Variants in KCND2 observed in about 807,000 individuals in gnomAD.
The protein encoded by KCND2 is potassium voltage-gated channel subfamily D member 2, also known as A-type voltage-gated potassium channel KCND2.
In KCND2, 16 loss-of-function variants were observed where a neutral mutation model predicts 54.4. That is an observed-to-expected ratio of 0.29 (90% CI 0.20 to 0.45). The LOEUF is 0.45. Ranked by LOEUF, KCND2 falls within the 20% of genes least tolerant of loss-of-function variation. KCND2 has a pLI of 1.00. For synonymous variants in KCND2, 317 were observed against 310.7 expected (o/e 1.02, Z -0.21); for missense variants, 486 against 824.2 (o/e 0.59, Z 5.02).
At chr7:120,635,799 T>A (rs1793297643) in intron 1 of KCND2, among the ~76,000 whole-genome samples, 1 of 152,228 alleles carries the variant, frequency 6.6e-6, no homozygotes, top group Admixed American at 6.5e-5. Flanking sequence ...GATAAAATGT[T>A]ATCTTTGACT....
intron 1 of KCND2, among the ~76,000 whole-genome samples, chr7:120,669,176 C>T (rs955533993): frequency 1.3e-4 from 20 of 152,016 alleles, no homozygotes; most frequent in African/African-American, 4.3e-4. Context: ...TGGTGATAGT[C>T]TAGCGTCATT....
At chr7:120,636,059 T>C (rs550606113) in intron 1 of KCND2, among the ~76,000 whole-genome samples, 1 of 152,292 alleles carries the variant, frequency 6.6e-6, no homozygotes, top group East Asian at 1.9e-4. Flanking sequence ...TCTGTCCAAG[T>C]AAAGTGGTTC....
chr7:120,441,015 G>C lies in KCND2; in HGVS notation c.1115+165268G>C, dbSNP rs17142749. 6.1e-4 allele frequency among the ~76,000 whole-genome samples: 92 copies of C among 151,792 alleles called. 1 individual carries two copies. The East Asian group carries it at 0.012, about 20-fold the overall frequency. On this transcript the variant is annotated intron_variant, in intron 1 of 5. Transcript: ENST00000331113. The stretch of plus-strand genomic sequence containing the variant: ...AATACCCACACAGATGTGGGTACAT[G>C]AAAATAGAACAATGCAAGAACACCT...
intron 1 of KCND2, among the ~76,000 whole-genome samples, chr7:120,664,170 T>A (rs563313671): frequency 1.6e-4 from 25 of 152,236 alleles, no homozygotes; most frequent in Non-Finnish European, 2.9e-4. Context: ...GTGTTTTAGT[T>A]TTGTTGGTTG....
intron 1 of KCND2, among the ~76,000 whole-genome samples, chr7:120,384,422 A>G (rs1238213184): frequency 6.6e-6 from 1 of 152,116 alleles, no homozygotes; most frequent in Non-Finnish European, 1.5e-5. Context: ...TTCATCAGCA[A>G]AAACTTCTCC....
chr7:120,291,526 G>A (rs1262433175), intron 1 of KCND2, among the ~76,000 whole-genome samples: 1 of 151,888 alleles, frequency 6.6e-6, no homozygotes, highest in African/African-American at 2.4e-5. Flanking sequence ...AACAACAAAT[G>A]CACGGTCATA....
chr7:120,418,403 A>G (rs1801555131), intron 1 of KCND2, among the ~76,000 whole-genome samples: 1 of 152,220 alleles, frequency 6.6e-6, no homozygotes, highest in Non-Finnish European at 1.5e-5. Context: ...TACAAAAAAA[A>G]AGAAAACAAT....
chr7:120,742,784 A>T (rs1278267572), intron 4 of KCND2, among the ~76,000 whole-genome samples, 182 bp downstream of exon 4: 3 of 152,212 alleles, frequency 2.0e-5, no homozygotes, highest in African/African-American at 7.2e-5. Flanking sequence ...TGACATTTCA[A>T]TTTGGAAAGT....
intron 1 of KCND2, among the ~76,000 whole-genome samples, chr7:120,313,547 C>G (rs1294628937): frequency 6.6e-6 from 1 of 151,922 alleles, no homozygotes; most frequent in Non-Finnish European, 1.5e-5. Context: ...CTCCCTCTTT[C>G]CTTTCAGTTA....
At chr7:120,569,827 AG>A (rs1194621889) in intron 1 of KCND2, among the ~76,000 whole-genome samples, 3 of 152,186 alleles carry the variant, frequency 2.0e-5, no homozygotes. Context: ...AAGATAGTTA[AG>A]GTTGATTTGT....
At chr7:120,344,755 C>A (rs974572855) in intron 1 of KCND2, among the ~76,000 whole-genome samples, 1 of 152,078 alleles carries the variant, frequency 6.6e-6, no homozygotes, top group African/African-American at 2.4e-5. Flanking sequence ...CAGTTCTGAT[C>A]TCTGAGAGGA....
At chr7:120,422,732 TTA>T (rs1225392473) in intron 1 of KCND2, among the ~76,000 whole-genome samples, 1 of 152,180 alleles carries the variant, frequency 6.6e-6, no homozygotes, top group Non-Finnish European at 1.5e-5. Context: ...GGCAGTGTGG[TTA>T]TTCCACTGTC....
chr7:120,599,912 G>T (rs75543553), intron 1 of KCND2, among the ~76,000 whole-genome samples: 9,987 of 151,914 alleles, frequency 0.066, 498 homozygotes, highest in South Asian at 0.09. Flanking sequence ...AGTTAATTAT[G>T]ATGTTGACTC....
chr7:120,354,648 A>T (rs1237160008), intron 1 of KCND2, among the ~76,000 whole-genome samples: 1 of 152,084 alleles, frequency 6.6e-6, no homozygotes, highest in Admixed American at 6.6e-5. Context: ...CTTGAGGGGG[A>T]GGTGAGGTGG....
At chr7:120,685,401 C>A (rs1351564346) in intron 1 of KCND2, among the ~76,000 whole-genome samples, 2 of 152,150 alleles carry the variant, frequency 1.3e-5, no homozygotes, top group Non-Finnish European at 2.9e-5. Context: ...CAGGTTCTCA[C>A]AAACACTTCC....
intron 1 of KCND2, among the ~76,000 whole-genome samples, chr7:120,640,197 T>C (rs907020150): frequency 6.6e-6 from 1 of 152,158 alleles, no homozygotes; most frequent in African/African-American, 2.4e-5. Flanking sequence ...TTAGATGATA[T>C]ATATAAATAT....
chr7:120,729,941 G>C (rs541663696), intron 1 of KCND2, among the ~76,000 whole-genome samples: 4 of 152,244 alleles, frequency 2.6e-5, no homozygotes, highest in African/African-American at 9.6e-5. Context: ...ATAAACTGGT[G>C]TATCTCCTTA....
At chr7:120,497,736 A>T (rs957747581) in intron 1 of KCND2, among the ~76,000 whole-genome samples, 1 of 152,234 alleles carries the variant, frequency 6.6e-6, no homozygotes, top group Admixed American at 6.5e-5. Flanking sequence ...GTATGGTTTA[A>T]GGAAGGGTCC....
intron 1 of KCND2, among the ~76,000 whole-genome samples, chr7:120,596,112 G>A (rs1792742691): frequency 6.6e-6 from 1 of 151,966 alleles, no homozygotes; most frequent in South Asian, 2.1e-4. Context: ...TTTTGATAAG[G>A]GCAACTTTGC....
Sources: gnomAD v4.1 joint callset for allele counts (sites outside exome capture counted in the v4.1 genomes callset) on GRCh38, gnomAD v4.1.1 for gene constraint, MANE v1.5 for transcripts, NCBI Gene and HGNC (gene_info 2026-07-23, HGNC 2026-07-21) for gene names.